The following AKR1C1 variants were observed in gnomAD, a reference collection of about 807,000 sequenced individuals.
The protein encoded by AKR1C1 is aldo-keto reductase family 1 member C1.
A neutral mutation model predicts 40.6 loss-of-function variants in AKR1C1; 32 were observed. That is an observed-to-expected ratio of 0.79 (90% CI 0.60 to 1.06). AKR1C1 has a LOEUF of 1.06. AKR1C1 is among the 50% of genes least tolerant of loss of function. The pLI is 0.00. For synonymous variants in AKR1C1, 105 were observed against 134.2 expected, an observed-to-expected ratio of 0.78 and a Z score of 1.50; for missense variants, 320 against 363.5, an observed-to-expected ratio of 0.88 and a Z score of 0.97.
rs1489301907 is a variant in AKR1C1, at chr10:4,982,380, C to T, written c.*4638C>T. The stretch of plus-strand genomic sequence containing the variant: ...CGCCCCACCCCCCTCCCTGGACAGC[C>T]CAGCTACAATTGTCTGAGAACTCAC... On this transcript the variant is annotated 3_prime_UTR_variant, in exon 9 of 9. Transcript: ENST00000380872. The T allele has an allele frequency of 1.5e-5, 2 of 134,998 alleles. No homozygotes were observed. The highest frequency in any genetic ancestry group is 7.6e-5 in the Admixed American group (1 of 13,114). The allele number at this position is 134,998 out of a possible 1,614,324, so 8.4% of individuals were successfully genotyped here.
At chr10:4,967,569 T>G (rs1836352490) in intron 3 of AKR1C1, 1 of 891,794 alleles carries the variant, frequency 1.1e-6, no homozygotes, top group African/African-American at 1.8e-5. Flanking sequence ...AATTCTTGGG[T>G]CATTCATAAC....
rs1836329094 is a variant in AKR1C1, at chr10:4,966,077, C to G, written c.248C>G (p.Ser83Ter). The G allele has an allele frequency of 1.2e-6, 2 of 1,612,608 alleles. No individual in the cohort carries two copies. Among genetic ancestry groups the G allele is most frequent in the Non-Finnish European group, 1.7e-6 (2 of 1,179,292 alleles). ...AAGAGAGAAGACATATTCTACACTT[C>G]AAAGGTACTGTGCCTATGATGAGCT... is the stretch of plus-strand genomic sequence containing the variant. ...SVKREDIFYTSKLWCNSHRPE... is the reference protein window; with the variant it reads ...SVKREDIFYT The change falls in exon 2 of 9, where the codon TCA becomes TGA. Residue 83 changes from serine (S) to a stop codon, truncating the protein, a stop_gained. Coordinates refer to ENST00000380872, the MANE Select transcript of AKR1C1 (RefSeq NM_001353.6). LOFTEE classifies it high-confidence loss of function.
In AKR1C1 at chr10:4,972,691, G is replaced by T. The variant is rs535110977; in HGVS notation, c.788G>T (p.Arg263Leu). Residue 263 changes from arginine (R) to leucine (L), a missense_variant, in exon 7 of 9, where the codon CGT becomes CTT. Around this residue, in one of 3 missense-constraint regions of AKR1C1, gnomAD observed 77 missense variants for 125.3 expected, o/e 0.61. Coordinates refer to ENST00000380872, the MANE Select transcript of AKR1C1 (RefSeq NM_001353.6). ...ALIALRYQLQ[R>L]GVVVLAKSYN... ...ATTGCCCTGCGCTACCAGCTACAGC[G>T]TGGGGTTGTGGTCCTGGCCAAGAGC... The T allele has an allele frequency of 6.2e-7, 1 of 1,612,500 alleles. No individual in the cohort carries two copies. Among genetic ancestry groups the T allele is most frequent in the Admixed American group, 1.7e-5 (1 of 60,006 alleles).
intron 1 of AKR1C1, among the ~76,000 whole-genome samples, chr10:4,964,567 A>G (rs1348745370): frequency 6.6e-6 from 1 of 152,218 alleles, no homozygotes; most frequent in Non-Finnish European, 1.5e-5. Flanking sequence ...CTTTCCAGAT[A>G]GGAAAACAGT....
At position 4,982,214 on chromosome 10, in the gene AKR1C1, G is replaced by C. The variant is rs1217883949; in HGVS notation, c.*4472G>C. The C allele has an allele frequency of 6.6e-6, 1 of 152,244 alleles. No individual in the cohort carries two copies. The highest frequency in any genetic ancestry group is 1.5e-5 in the Non-Finnish European group (1 of 68,122). 9.4% of individuals were successfully genotyped at this position (152,244 alleles called of 1,614,324 possible). A position where few individuals can be genotyped will look rare whatever the true frequency, so the allele number is the denominator to read the frequency against. On this transcript the variant is annotated 3_prime_UTR_variant, in exon 9 of 9. Transcript: ENST00000380872. ...ATGCTGAAAACGGTCTCCTGAGAAT[G>C]CGGTTTGAGTGCTTTTACAAGGCCA...
At chr10:4,971,486 T>C (rs1471345750) in intron 5 of AKR1C1, among the ~76,000 whole-genome samples, 2 of 140,490 alleles carry the variant, frequency 1.4e-5, no homozygotes, top group African/African-American at 5.3e-5. Flanking sequence ...AATGCTCACA[T>C]CTACTCAGCA....
intron 7 of AKR1C1, among the ~76,000 whole-genome samples, chr10:4,975,277 G>A (rs1298877833): frequency 1.3e-5 from 2 of 151,704 alleles, no homozygotes; most frequent in African/African-American, 4.8e-5. Flanking sequence ...GTTTCCCTAT[G>A]GATTTATACA....
chr10:4,968,733 T>G, intron 4 of AKR1C1, 89 bp from the exon 5 acceptor site: 1 of 1,589,538 alleles, frequency 6.3e-7, no homozygotes, highest in Non-Finnish European at 8.6e-7. Flanking sequence ...GCTAGCTAGT[T>G]TTATTGTCAT....
At chr10:4,965,197 G>A (rs562608064) in intron 1 of AKR1C1, among the ~76,000 whole-genome samples, 1 of 152,012 alleles carries the variant, frequency 6.6e-6, no homozygotes, top group East Asian at 1.9e-4. Context: ...AATCACAGGA[G>A]CTTACACTGT....
rs1328903698 is a variant in AKR1C1, at chr10:4,979,613, T to C, written c.*1871T>C. ...ATATTTCAAATCTCTTTAGCAAGTG[T>C]AACTCTTTTTTCAAGATGTGAAATA... On this transcript the variant is annotated 3_prime_UTR_variant, in exon 9 of 9. Transcript: ENST00000380872. 6.6e-6 allele frequency: 1 copy of C among 152,222 alleles called. No homozygotes were observed. Among genetic ancestry groups the C allele is most frequent in the Non-Finnish European group, 1.5e-5 (1 of 68,046 alleles). 9.4% of individuals were successfully genotyped at this position (152,222 alleles called of 1,614,324 possible). A position where few individuals can be genotyped will look rare whatever the true frequency, so the allele number is the denominator to read the frequency against.
intron 7 of AKR1C1, among the ~76,000 whole-genome samples, chr10:4,975,171 A>G (rs1366511154): frequency 6.6e-6 from 1 of 152,130 alleles, no homozygotes; most frequent in Admixed American, 6.5e-5. Flanking sequence ...AAATATTAAA[A>G]GAATAATGCA....
At chr10:4,963,789 T>G (rs2131639508) in intron 1 of AKR1C1, 1 of 754,558 alleles carries the variant, frequency 1.3e-6, no homozygotes, top group South Asian at 1.4e-5. Context: ...CTCCCTCTCT[T>G]GAAGATTGAT....
intron 1 of AKR1C1, among the ~76,000 whole-genome samples, chr10:4,964,543 A>T (rs1439206765): frequency 1.3e-5 from 2 of 152,230 alleles, no homozygotes; most frequent in South Asian, 2.1e-4. Context: ...GGGAAAAAGA[A>T]AGCCTCTGAA....
At position 4,979,366 on chromosome 10, in the gene AKR1C1, T is replaced by C. The variant is rs1186260601; in HGVS notation, c.*1624T>C. 6.6e-6 allele frequency: 1 copy of C among 152,180 alleles called. No individual in the cohort carries two copies. Among genetic ancestry groups the C allele is most frequent in the Non-Finnish European group, 1.5e-5 (1 of 68,028 alleles). The allele number at this position is 152,180 out of a possible 1,614,324, so 9.4% of individuals were successfully genotyped here. On this transcript the variant is annotated 3_prime_UTR_variant, in exon 9 of 9. Transcript: ENST00000380872. ...CAAATTCTGCAATAGAAGATCACAATGTGAACTCTGCATCTCCATGTTAAA... is the reference window on the plus strand; with the variant it reads ...CAAATTCTGCAATAGAAGATCACAACGTGAACTCTGCATCTCCATGTTAAA...
intron 8 of AKR1C1, 43 bp from the exon 9 acceptor site, chr10:4,977,657 A>G: frequency 3.7e-6 from 6 of 1,611,994 alleles, no homozygotes; most frequent in Non-Finnish European, 5.1e-6. Context: ...CTAGTAACGG[A>G]GTCATTGCCA....
At chr10:4,973,258 C>T (rs797042903) in intron 7 of AKR1C1, among the ~76,000 whole-genome samples, 4,094 of 137,190 alleles carry the variant, frequency 0.03, no homozygotes, top group Middle Eastern at 0.045. Flanking sequence ...GACAAACCCA[C>T]TTAATATAGA....
chr10:4,972,639 A>G lies in AKR1C1; in HGVS notation c.736A>G (p.Lys246Glu), dbSNP rs1836452846. 1 of 1,613,326 alleles carries G rather than the reference A, an allele frequency of 6.2e-7. No homozygotes were observed. The highest frequency in any genetic ancestry group is 1.3e-5 in the African/African-American group (1 of 74,902). ...LEDPVLCALA[K>E]KHKRTPALIA... ...GGACCCAGTCCTTTGTGCCTTGGCA[A>G]AAAAGCACAAGCGAACCCCAGCCCT... Residue 246 changes from lysine to glutamate, a missense_variant, in exon 7 of 9, where the codon AAA (lysine) becomes GAA (glutamate). Around this residue, in one of 3 missense-constraint regions of AKR1C1, gnomAD observed 77 missense variants for 125.3 expected, o/e 0.61. Transcript: ENST00000380872.
chr10:4,968,863 C>T lies in AKR1C1; in HGVS notation c.489C>T (p.Ile163=), dbSNP rs140028006. 1,869 of 1,614,172 alleles carry T rather than the reference C, an allele frequency of 1.2e-3. No individual in the cohort carries two copies. The highest frequency in any genetic ancestry group is 1.4e-3 in the Non-Finnish European group (1,678 of 1,180,036). ...AAGATGCAGGATTGGCCAAGTCCAT[C>T]GGGGTGTCCAACTTCAACCGCAGGC... The part of the protein sequence containing the change: ...KCKDAGLAKS[I]GVSNFNRRQL... Residue 163 remains isoleucine (I), a synonymous_variant, in exon 5 of 9, where the codon ATC becomes ATT. Transcript: ENST00000380872.
intron 5 of AKR1C1, chr10:4,969,599 T>C (rs1473734664): frequency 3.2e-6 from 5 of 1,551,728 alleles, no homozygotes; most frequent in African/African-American, 2.7e-5. Context: ...CCGCTCCTAG[T>C]TGGCTGCTCT....
Sources: gnomAD v4.1 joint callset for allele counts (sites outside exome capture counted in the v4.1 genomes callset) on GRCh38, gnomAD v4.1.1 for gene constraint, gnomAD v4.1.1 regional missense constraint, MANE v1.5 for transcripts, NCBI Gene and HGNC (gene_info 2026-07-23, HGNC 2026-07-21) for gene names.